NELL2: variants seen among roughly 807,000 people sequenced by gnomAD.
NELL2 encodes neural EGFL like 2.
Under a neutral mutation model 109.6 loss-of-function variants are expected in NELL2, and 41 were observed. The ratio of observed to expected loss-of-function variants is 0.37; its 90% CI spans 0.29 to 0.49. The LOEUF is 0.49. Among genes scored for constraint, NELL2 ranks in the 20% least tolerant of loss-of-function variants. The pLI is 0.98. For synonymous variants in NELL2, 355 were observed against 344.7 expected (o/e 1.03, Z -0.33); for missense variants, 900 against 1,008.3 (o/e 0.89, Z 1.45).
At chr12:44,731,715 C>A (rs140272961) in intron 9 of NELL2, among the ~76,000 whole-genome samples, 134 of 152,086 alleles carry the variant, frequency 8.8e-4, no homozygotes, top group Middle Eastern at 6.8e-3. Flanking sequence ...TAGCACTTTT[C>A]TTCAACAAAG....
At chr12:44,838,363 G>A (rs1034627635) in intron 2 of NELL2, among the ~76,000 whole-genome samples, 3 of 152,148 alleles carry the variant, frequency 2.0e-5, no homozygotes, top group Non-Finnish European at 4.4e-5. Context: ...AATTGTATCA[G>A]TCCCTTGCCA....
At chr12:44,888,681 C>T (rs1945501721) in intron 1 of NELL2, among the ~76,000 whole-genome samples, 1 of 151,660 alleles carries the variant, frequency 6.6e-6, no homozygotes, top group Admixed American at 6.6e-5. Context: ...GCAAAGGTGG[C>T]TTTCCATACA....
At chr12:44,785,688 C>T (rs879743270) in intron 3 of NELL2, among the ~76,000 whole-genome samples, 1 of 152,048 alleles carries the variant, frequency 6.6e-6, no homozygotes, top group African/African-American at 2.4e-5. Flanking sequence ...GATATATAGT[C>T]CAGTGAAACA....
intron 15 of NELL2, among the ~76,000 whole-genome samples, chr12:44,567,793 G>A (rs1259521831): frequency 2.0e-5 from 3 of 152,050 alleles, no homozygotes; most frequent in African/African-American, 7.2e-5. Context: ...AGCTACATAC[G>A]ATTGCCCTGA....
intron 1 of NELL2, among the ~76,000 whole-genome samples, chr12:44,905,732 A>G (rs866865011): frequency 4.1e-4 from 62 of 152,102 alleles, no homozygotes; most frequent in South Asian, 2.1e-4. Flanking sequence ...TAAATCATCC[A>G]CCATCTGACT....
intron 19 of NELL2, among the ~76,000 whole-genome samples, chr12:44,516,523 ATTAT>A (rs1565855288): frequency 6.6e-6 from 1 of 152,212 alleles, no homozygotes; most frequent in Non-Finnish European, 1.5e-5. Flanking sequence ...TGTGAAAATA[ATTAT>A]TTATAATTTT....
intron 15 of NELL2, among the ~76,000 whole-genome samples, chr12:44,585,755 A>T (rs939284323): frequency 2.0e-5 from 3 of 151,910 alleles, no homozygotes; most frequent in African/African-American, 7.3e-5. Context: ...CACACATGAC[A>T]ATGTCTGGAG....
rs1341423464 is a variant in NELL2 at position 44,778,868 on chromosome 12, C to T, written c.606+795G>A. ...GCAATGCTTAAATAAGTTCCCAAAA[C>T]ACCTTTATAGAATTATAAACTTTGC... On this transcript the variant is annotated intron_variant, in intron 5 of 19. Coordinates refer to ENST00000429094, the MANE Select transcript of NELL2 (RefSeq NM_001145108.2). 2.0e-5 allele frequency among the ~76,000 whole-genome samples: 3 copies of T among 152,332 alleles called. No individual in the cohort carries two copies. In the East Asian group the frequency reaches 5.8e-4, roughly 29 times the overall value.
chr12:44,863,480 A>G (rs1243106034), intron 2 of NELL2, among the ~76,000 whole-genome samples: 1 of 151,982 alleles, frequency 6.6e-6, no homozygotes, highest in African/African-American at 2.4e-5. Context: ...AGTCTTACAG[A>G]CGAGGAGAGA....
rs1392161012 is a variant in NELL2, at chr12:44,777,019, C to A, written c.762+23G>T. Reference sequence around the variant, plus strand: ...CATCAAGGATTTTTAAGCTTCCACACTGTATTCTTGAGTAGCTTTTACCTT... The same window carrying A: ...CATCAAGGATTTTTAAGCTTCCACAATGTATTCTTGAGTAGCTTTTACCTT... On this transcript the variant is annotated intron_variant, in intron 7 of 19. Transcript: ENST00000429094. 2.5e-6 allele frequency: 4 copies of A among 1,605,610 alleles called. No individual in the cohort carries two copies. In the Admixed American group the frequency reaches 6.7e-5, roughly 27 times the overall value.
At chr12:44,889,717 A>G (rs1945512386) in intron 1 of NELL2, among the ~76,000 whole-genome samples, 1 of 152,188 alleles carries the variant, frequency 6.6e-6, no homozygotes, top group African/African-American at 2.4e-5. Flanking sequence ...AACAATAAAT[A>G]TAGCAGTCAT....
At chr12:44,730,445 A>C (rs1939309463) in intron 9 of NELL2, among the ~76,000 whole-genome samples, 1 of 152,192 alleles carries the variant, frequency 6.6e-6, no homozygotes, top group Non-Finnish European at 1.5e-5. Flanking sequence ...TCTTTTCCAA[A>C]CACAATGAAA....
chr12:44,745,294 C>T (rs1003551267), intron 9 of NELL2, among the ~76,000 whole-genome samples: 19 of 152,050 alleles, frequency 1.2e-4, no homozygotes, highest in Non-Finnish European at 2.5e-4. Context: ...ATTGATGGGA[C>T]GTATCTCAAA....
At chr12:44,791,530 T>A (rs1332019227) in intron 3 of NELL2, among the ~76,000 whole-genome samples, 2 of 151,702 alleles carry the variant, frequency 1.3e-5, no homozygotes, top group Non-Finnish European at 2.9e-5. Context: ...CGTGATGGTG[T>A]CTTGGACCAC....
chr12:44,760,996 T>C (rs1188289606), intron 9 of NELL2, among the ~76,000 whole-genome samples: 1 of 152,212 alleles, frequency 6.6e-6, no homozygotes, highest in Non-Finnish European at 1.5e-5. Context: ...AAAAGACCTC[T>C]TACAAATGAG....
chr12:44,791,219 T>TATATATAC (rs1942418333), intron 3 of NELL2, among the ~76,000 whole-genome samples: 1 of 91,922 alleles, frequency 1.1e-5, no homozygotes, highest in South Asian at 3.5e-4. Context: ...TATATATATA[T>TATATATAC]ATATATATGA....
At chr12:44,836,125 A>C (rs970782009) in intron 2 of NELL2, among the ~76,000 whole-genome samples, 2 of 152,192 alleles carry the variant, frequency 1.3e-5, no homozygotes, top group Non-Finnish European at 2.9e-5. Flanking sequence ...GAGAATTGCA[A>C]GGCTGAGAGG....
intron 15 of NELL2, among the ~76,000 whole-genome samples, chr12:44,606,210 C>G (rs1945397181): frequency 6.6e-6 from 1 of 152,100 alleles, no homozygotes; most frequent in East Asian, 1.9e-4. Flanking sequence ...GTAGCAGATT[C>G]TATTCAGTAA....
chr12:44,752,510 A>G (rs564046253), intron 9 of NELL2, among the ~76,000 whole-genome samples: 19 of 152,174 alleles, frequency 1.2e-4, no homozygotes, highest in South Asian at 2.1e-4. Flanking sequence ...CTGAACTCCA[A>G]TCCAGATCTG....
Sources: gnomAD v4.1 joint callset for allele counts (sites outside exome capture counted in the v4.1 genomes callset) on GRCh38, gnomAD v4.1.1 for gene constraint, MANE v1.5 for transcripts, NCBI Gene and HGNC (gene_info 2026-07-23, HGNC 2026-07-21) for gene names.